Variants in B3GNT5 observed in about 807,000 individuals in gnomAD.
B3GNT5 encodes lactosylceramide 1,3-N-acetyl-beta-D-glucosaminyltransferase.
In B3GNT5, 11 loss-of-function variants were observed where a neutral mutation model predicts 25.9. The observed-to-expected ratio is 0.42, with a 90% CI of 0.27 to 0.70. The LOEUF is 0.70. Among genes scored for constraint, B3GNT5 ranks in the 30% least tolerant of loss-of-function variants. The pLI is 0.23. For missense variants in B3GNT5, 385 were observed against 458.4 expected, an observed-to-expected ratio of 0.84 and a Z score of 1.46; for synonymous variants, 166 against 158.6, an observed-to-expected ratio of 1.05 and a Z score of -0.35.
At chr3:183,255,449 T>G (rs1020639378) in intron 1 of B3GNT5, among the ~76,000 whole-genome samples, 1 of 152,334 alleles carries the variant, frequency 6.6e-6, no homozygotes, top group East Asian at 1.9e-4. Flanking sequence ...AACCTGCTTG[T>G]CCTTCTCACT....
rs1438713838 is a variant in B3GNT5, at chr3:183,271,157, A to G, written c.*222A>G. On this transcript the variant is annotated 3_prime_UTR_variant, in exon 2 of 2. Coordinates refer to ENST00000326505, the MANE Select transcript of B3GNT5 (RefSeq NM_032047.5). Reference sequence around the variant, plus strand: ...AAGAATTTGTATTTAGAAAAGGTTTATATTATTAGTGAAAACAAAACTAAA... The same window carrying G: ...AAGAATTTGTATTTAGAAAAGGTTTGTATTATTAGTGAAAACAAAACTAAA... 1 of 412,620 alleles carries G rather than the reference A, an allele frequency of 2.4e-6. No homozygotes were observed. Among genetic ancestry groups the G allele is most frequent in the South Asian group, 6.2e-5 (1 of 16,024 alleles). 25.6% of individuals were successfully genotyped at this position (412,620 alleles called of 1,614,324 possible).
chr3:183,272,086 A>T lies in B3GNT5; in HGVS notation c.*1151A>T. On this transcript the variant is annotated 3_prime_UTR_variant, in exon 2 of 2. Transcript: ENST00000326505. Reference sequence around the variant, plus strand: ...GTGATCTTTATTTTCTAAATATTTCAAACTTGAAAACAGAGTAAAAAAGTG... The same window carrying T: ...GTGATCTTTATTTTCTAAATATTTCTAACTTGAAAACAGAGTAAAAAAGTG... 2.2e-6 allele frequency: 2 copies of T among 891,594 alleles called. No homozygotes were observed. Among genetic ancestry groups the T allele is most frequent in the Non-Finnish European group, 2.7e-6 (2 of 730,908 alleles). 55.2% of individuals were successfully genotyped at this position (891,594 alleles called of 1,614,324 possible). A position where few individuals can be genotyped will look rare whatever the true frequency, so the allele number is the denominator to read the frequency against.
At chr3:183,255,826 AAAG>A (rs1724996171) in intron 1 of B3GNT5, among the ~76,000 whole-genome samples, 1 of 152,156 alleles carries the variant, frequency 6.6e-6, no homozygotes, top group African/African-American at 2.4e-5. Context: ...AAAAAAAGAA[AAAG>A]AAAACTTTCT....
At chr3:183,255,052 C>T (rs1319769683) in intron 1 of B3GNT5, among the ~76,000 whole-genome samples, 1 of 152,108 alleles carries the variant, frequency 6.6e-6, no homozygotes, top group Non-Finnish European at 1.5e-5. Context: ...GCACAGTGGC[C>T]GATGGTGGCC....
At chr3:183,256,031 G>A (rs1289262955) in intron 1 of B3GNT5, among the ~76,000 whole-genome samples, 1 of 152,164 alleles carries the variant, frequency 6.6e-6, no homozygotes, top group Non-Finnish European at 1.5e-5. Flanking sequence ...AAGAAACTGG[G>A]AGAAATTCAG....
rs776147136 is a variant in B3GNT5 at position 183,270,188 on chromosome 3, C to T, written c.390C>T (p.Ala130=). Residue 130 remains alanine (A), a synonymous_variant, in exon 2 of 2, where the codon GCC becomes GCT. Coordinates refer to ENST00000326505, the MANE Select transcript of B3GNT5 (RefSeq NM_032047.5). This position sits in a 1 kb window ranked among gnomAD's most constrained non-coding sequence, Gnocchi z 4.5. ...ATGCCAACATCAAAACTCTGTTTGC[C>T]TTAGGAACTCCTAATCCACTGGAGG... ...QLNANIKTLF[A]LGTPNPLEGE... 45 of 1,614,048 alleles carry T rather than the reference C, an allele frequency of 2.8e-5. No individual in the cohort carries two copies. The Admixed American group carries it at 3.0e-4, about 11-fold the overall frequency.
At chr3:183,261,714 A>G (rs1175468360) in intron 1 of B3GNT5, among the ~76,000 whole-genome samples, 2 of 152,100 alleles carry the variant, frequency 1.3e-5, no homozygotes, top group African/African-American at 4.8e-5. Context: ...CAAGGAAAAA[A>G]CCAGAGCTAG....
At position 183,270,000 on chromosome 3, in the gene B3GNT5, T is replaced by A. The variant is rs1308076919; in HGVS notation, c.202T>A (p.Ser68Thr). 2 of 1,614,150 alleles carry A rather than the reference T, an allele frequency of 1.2e-6. No homozygotes were observed. Among genetic ancestry groups the A allele is most frequent in the South Asian group, 2.2e-5 (2 of 91,078 alleles). The change falls in exon 2 of 2, where the codon TCA becomes ACA. Residue 68 changes from serine (S) to threonine (T), a missense_variant. By Grantham distance (58) the Ser-to-Thr change is moderately conservative. Transcript: ENST00000326505. ...VNDTLSLKHTSAGPRYQYLIN... is the reference protein window; with the variant it reads ...VNDTLSLKHTTAGPRYQYLIN... Reference sequence around the variant, plus strand: ...TGATACCCTGTCTCTTAAGCACACCTCAGCGGGGCCTCGCTACCAATACTT... The same window carrying A: ...TGATACCCTGTCTCTTAAGCACACCACAGCGGGGCCTCGCTACCAATACTT...
At position 183,271,036 on chromosome 3, in the gene B3GNT5, G is replaced by T. The variant is rs1726728591; in HGVS notation, c.*101G>T. ...TACCCTAAGTAAAATGAGGACGAAAGACAAATATTTTGAAAGCCTAGTCCA... is the reference window on the plus strand; with the variant it reads ...TACCCTAAGTAAAATGAGGACGAAATACAAATATTTTGAAAGCCTAGTCCA... On this transcript the variant is annotated 3_prime_UTR_variant, in exon 2 of 2. Transcript: ENST00000326505. The T allele has an allele frequency of 8.6e-7, 1 of 1,159,846 alleles. No homozygotes were observed. The highest frequency in any genetic ancestry group is 1.6e-5 in the African/African-American group (1 of 63,246). 71.8% of individuals were successfully genotyped at this position (1,159,846 alleles called of 1,614,324 possible). A position where few individuals can be genotyped will look rare whatever the true frequency, so the allele number is the denominator to read the frequency against.
chr3:183,255,816 A>G (rs1576971864), intron 1 of B3GNT5, among the ~76,000 whole-genome samples: 1 of 152,118 alleles, frequency 6.6e-6, no homozygotes, highest in African/African-American at 2.4e-5. Context: ...GTAAAAAAAA[A>G]AAAAAAGAAA....
Position 183,273,143 on chromosome 3 carries a change from A to G in B3GNT5, c.*2208A>G. 1 of 653,698 alleles carries G rather than the reference A, an allele frequency of 1.5e-6. No individual in the cohort carries two copies. Among genetic ancestry groups the G allele is most frequent in the Non-Finnish European group, 2.5e-6 (1 of 403,224 alleles). 40.5% of individuals were successfully genotyped at this position (653,698 alleles called of 1,614,324 possible). A position where few individuals can be genotyped will look rare whatever the true frequency, so the allele number is the denominator to read the frequency against. ...GCTCCAGTGTAGGGCTATCTTTTTA[A>G]AAAATGTCAACAAAGGGAAAATAAA... is the stretch of plus-strand genomic sequence containing the variant. On this transcript the variant is annotated 3_prime_UTR_variant, in exon 2 of 2. Transcript: ENST00000326505.
rs1293171703 is a variant in B3GNT5 at position 183,270,464 on chromosome 3, T to C, written c.666T>C (p.Arg222=). 3 of 1,614,106 alleles carry C rather than the reference T, an allele frequency of 1.9e-6. No homozygotes were observed. The highest frequency in any genetic ancestry group is 2.5e-6 in the Non-Finnish European group (3 of 1,180,044). ...GTGTTCAAGACTTTTGGATTGGTCG[T>C]GTTCATCGTGGTGCCCCTCCCATTA... ...QIGVQDFWIG[R]VHRGAPPIRD... Residue 222 remains arginine (R), a synonymous_variant, in exon 2 of 2, where the codon CGT becomes CGC. Transcript: ENST00000326505. The surrounding 1 kb of genome is among the most constrained non-coding windows in gnomAD (Gnocchi z 4.5).
rs60835895 is a variant in B3GNT5, at chr3:183,269,230, C to CTTTTTTTTTTTTTTTTTTTTTTTT, written c.-301-250_-301-249insTTTTTTTTTTTTTTTTTTTTTTTT. Among the ~76,000 whole-genome samples the CTTTTTTTTTTTTTTTTTTTTTTTT allele has an allele frequency of 8.5e-4, 69 of 81,000 alleles. 15 individuals are homozygous for CTTTTTTTTTTTTTTTTTTTTTTTT. Among genetic ancestry groups the CTTTTTTTTTTTTTTTTTTTTTTTT allele is most frequent in the African/African-American group, 3.8e-3 (60 of 15,756 alleles). The allele number at this position is 81,000 out of a possible 152,430, so 53.1% of individuals were successfully genotyped here. A position where few individuals can be genotyped will look rare whatever the true frequency, so the allele number is the denominator to read the frequency against. ...TACACGATTATAGCCGTTTGGGAAG[C>CTTTTTTTTTTTTTTTTTTTTTTTT]TTTTTTTTTTTTTTTTTTAAGAGTA... On this transcript the variant is annotated intron_variant, in intron 1 of 1. Transcript: ENST00000326505.
intron 1 of B3GNT5, among the ~76,000 whole-genome samples, chr3:183,255,627 A>G (rs1367827363): frequency 6.6e-6 from 1 of 152,188 alleles, no homozygotes; most frequent in Non-Finnish European, 1.5e-5. Flanking sequence ...AAAGTGGGAG[A>G]TGAGGATGAG....
intron 1 of B3GNT5, among the ~76,000 whole-genome samples, chr3:183,255,572 T>C (rs1267404016): frequency 6.6e-6 from 1 of 152,146 alleles, no homozygotes; most frequent in African/African-American, 2.4e-5. Flanking sequence ...ACCAGTGTTA[T>C]CACAGGAAAG....
intron 1 of B3GNT5, among the ~76,000 whole-genome samples, chr3:183,266,919 T>C (rs1388319112): frequency 1.3e-5 from 2 of 152,040 alleles, no homozygotes; most frequent in African/African-American, 4.8e-5. Context: ...CCCAAGAAGC[T>C]GGAATTACAG....
At position 183,272,183 on chromosome 3, in the gene B3GNT5, C is replaced by G. The variant is rs1726835238; in HGVS notation, c.*1248C>G. On this transcript the variant is annotated 3_prime_UTR_variant, in exon 2 of 2. Coordinates refer to ENST00000326505, the MANE Select transcript of B3GNT5 (RefSeq NM_032047.5). ...GTTCCTTGTAATCAAAGAGATGTGT[C>G]TGAGATCTAATAGAGTAAGTTACAT... is the stretch of plus-strand genomic sequence containing the variant. 1 of 1,000,132 alleles carries G rather than the reference C, an allele frequency of 1.0e-6. No homozygotes were observed. The highest frequency in any genetic ancestry group is 1.7e-5 in the African/African-American group (1 of 57,234). The allele number at this position is 1,000,132 out of a possible 1,614,324, so 62.0% of individuals were successfully genotyped here.
rs889298615 is a variant in B3GNT5, at chr3:183,256,958, T to G, written c.-302+3486T>G. On this transcript the variant is annotated intron_variant, in intron 1 of 1. Transcript: ENST00000326505. ...GTATTTGCGATGTGTTAAATGGCCC[T>G]TAGCCATCAGATCAGTATTTTTAAA... Among the ~76,000 whole-genome samples the G allele has an allele frequency of 1.1e-4, 16 of 152,228 alleles. 1 individual carries two copies. Among genetic ancestry groups the G allele is most frequent in the African/African-American group, 3.6e-4 (15 of 41,448 alleles).
chr3:183,269,882 C>T lies in B3GNT5; in HGVS notation c.84C>T (p.Leu28=). The part of the protein sequence containing the change: ...QLFATCFLAS[L]MFFWEPIDNH... ...TTGCTACTTGTTTTTTAGCGAGCCT[C>T]ATGTTTTTTTGGGAACCAATCGATA... The change falls in exon 2 of 2, where the codon CTC becomes CTT. Residue 28 remains leucine (L), a synonymous_variant. Transcript: ENST00000326505. 1 of 1,613,958 alleles carries T rather than the reference C, an allele frequency of 6.2e-7. No individual in the cohort carries two copies. Among genetic ancestry groups the T allele is most frequent in the Non-Finnish European group, 8.5e-7 (1 of 1,179,980 alleles).
Sources: gnomAD v4.1 joint callset for allele counts (sites outside exome capture counted in the v4.1 genomes callset) on GRCh38, gnomAD v4.1.1 for gene constraint, Gnocchi (gnomAD v3.1) non-coding constraint, MANE v1.5 for transcripts, NCBI Gene and HGNC (gene_info 2026-07-23, HGNC 2026-07-21) for gene names.